FSTL5: variants seen among roughly 807,000 people sequenced by gnomAD.
FSTL5 encodes the protein follistatin like 5, also known as follistatin-related protein 5.
Under a neutral mutation model 89.1 loss-of-function variants are expected in FSTL5, and 62 were observed. That is an observed-to-expected ratio of 0.70 (90% confidence interval 0.57 to 0.86). FSTL5 has a LOEUF of 0.86. FSTL5 is among the 40% of genes least tolerant of loss of function. The probability of loss-of-function intolerance (pLI) is 0.00; values close to 1 mark genes in which losing one functional copy is unlikely to be tolerated. For synonymous variants in FSTL5, 383 were observed against 346.2 expected, an observed-to-expected ratio of 1.11 and a Z score of -1.18; for missense variants, 1,057 against 1,001.6, an observed-to-expected ratio of 1.06 and a Z score of -0.75.
In FSTL5 at chr4:161,784,907, C is replaced by CAAA. The variant is rs1202708192; in HGVS notation, c.410-8836_410-8834dup. Among the ~76,000 whole-genome samples, 4 of 125,398 alleles carry CAAA rather than the reference C, an allele frequency of 3.2e-5. 1 individual carries two copies. Among genetic ancestry groups the CAAA allele is most frequent in the South Asian group, 2.5e-4 (1 of 3,988 alleles). 82.3% of individuals were successfully genotyped at this position (125,398 alleles called of 152,430 possible). A position where few individuals can be genotyped will look rare whatever the true frequency, so the allele number is the denominator to read the frequency against. Reference sequence around the variant, plus strand: ...GACTCCGTCTCAAAAAAAACAAAAACAAACAAACAAAAAAAAGAAGATATG... The same window carrying CAAA: ...GACTCCGTCTCAAAAAAAACAAAAACAAAAAACAAACAAAAAAAAGAAGATATG... On this transcript the variant is annotated intron_variant, in intron 4 of 15. Transcript: ENST00000306100.
At chr4:161,563,446 T>C (rs1001233879) in intron 8 of FSTL5, among the ~76,000 whole-genome samples, 4 of 152,140 alleles carry the variant, frequency 2.6e-5, no homozygotes, top group African/African-American at 4.8e-5. Context: ...CTCCACATTC[T>C]GACCATCCGT....
chr4:161,969,453 T>C (rs566537347), intron 3 of FSTL5, among the ~76,000 whole-genome samples: 1 of 152,172 alleles, frequency 6.6e-6, no homozygotes, highest in Non-Finnish European at 1.5e-5. Context: ...CAAAAATAAA[T>C]AGCAGAATTT....
rs190609143 is a variant in FSTL5 at position 162,109,690 on chromosome 4, T to C, written c.126+1581A>G. Among the ~76,000 whole-genome samples, 320 of 152,140 alleles carry C rather than the reference T, an allele frequency of 2.1e-3. 3 individuals carry two copies. The highest frequency in any genetic ancestry group is 7.4e-3 in the African/African-American group (308 of 41,554). On this transcript the variant is annotated intron_variant, in intron 2 of 15. Transcript: ENST00000306100. The stretch of plus-strand genomic sequence containing the variant: ...TATACTAACACATTAAAACCGGTGG[T>C]ATGATATTTAGCAAGGGAACAATCA...
At chr4:162,016,730 T>C (rs1274341119) in intron 3 of FSTL5, among the ~76,000 whole-genome samples, 1 of 152,234 alleles carries the variant, frequency 6.6e-6, no homozygotes, top group African/African-American at 2.4e-5. Context: ...ATCTTTATAA[T>C]GTTATACTAC....
At chr4:161,392,274 C>A (rs892487924) in intron 15 of FSTL5, among the ~76,000 whole-genome samples, 3 of 151,682 alleles carry the variant, frequency 2.0e-5, no homozygotes, top group African/African-American at 7.3e-5. Context: ...GTTGCCCAAG[C>A]TGGAGTTCAG....
chr4:161,744,747 T>C (rs1032584069), intron 6 of FSTL5, among the ~76,000 whole-genome samples: 1 of 152,146 alleles, frequency 6.6e-6, no homozygotes, highest in Non-Finnish European at 1.5e-5. Flanking sequence ...GAAACCTTTT[T>C]TTTTCGGTTC....
Position 161,488,014 on chromosome 4 carries a change from G to A in FSTL5, c.1459-6845C>T, listed in dbSNP as rs546727106. On this transcript the variant is annotated intron_variant, in intron 12 of 15. Transcript: ENST00000306100. Reference sequence around the variant, plus strand: ...TATTTGTGAATATGCTAGATATAAAGTTCCCTTCAATATTGCTTTGCAATA... The same window carrying A: ...TATTTGTGAATATGCTAGATATAAAATTCCCTTCAATATTGCTTTGCAATA... Among the ~76,000 whole-genome samples the A allele has an allele frequency of 5.7e-4, 87 of 151,908 alleles. 1 individual carries two copies. Among genetic ancestry groups the A allele is most frequent in the South Asian group, 2.7e-3 (13 of 4,812 alleles).
chr4:161,493,316 A>G (rs927791313), intron 12 of FSTL5, among the ~76,000 whole-genome samples: 2 of 151,842 alleles, frequency 1.3e-5, no homozygotes, highest in Non-Finnish European at 1.5e-5. Flanking sequence ...ATAATATTTA[A>G]TATTGATAAT....
chr4:162,014,847 T>A (rs1736869978), intron 3 of FSTL5, among the ~76,000 whole-genome samples: 1 of 152,224 alleles, frequency 6.6e-6, no homozygotes, highest in East Asian at 1.9e-4. Flanking sequence ...ATAAACACGT[T>A]AGTAATGGCT....
intron 3 of FSTL5, among the ~76,000 whole-genome samples, chr4:162,025,969 A>T (rs1465151369): frequency 6.6e-6 from 1 of 151,874 alleles, no homozygotes; most frequent in East Asian, 1.9e-4. Context: ...TTAGGTAAGA[A>T]GGATATTCTA....
intron 13 of FSTL5, among the ~76,000 whole-genome samples, chr4:161,469,496 G>T (rs927138246): frequency 2.6e-5 from 4 of 151,936 alleles, no homozygotes; most frequent in African/African-American, 9.7e-5. Context: ...CATCCTAATG[G>T]GTATGAGGTG....
At chr4:162,158,030 T>A (rs904859793) in intron 1 of FSTL5, among the ~76,000 whole-genome samples, 6 of 152,144 alleles carry the variant, frequency 3.9e-5, no homozygotes, top group Non-Finnish European at 8.8e-5. Flanking sequence ...TCAAAGCTAA[T>A]CATTTGTTTT....
intron 13 of FSTL5, among the ~76,000 whole-genome samples, chr4:161,474,599 G>A (rs143261306): frequency 1.7e-4 from 26 of 149,318 alleles, no homozygotes; most frequent in African/African-American, 5.9e-4. Context: ...AGGCTGGAGT[G>A]CAGTGGCAGG....
At chr4:161,847,587 CCA>C (rs1381488882) in intron 4 of FSTL5, among the ~76,000 whole-genome samples, 1 of 152,088 alleles carries the variant, frequency 6.6e-6, no homozygotes, top group African/African-American at 2.4e-5. Flanking sequence ...GGGCAAGTTT[CCA>C]GTTTTTTGTT....
intron 2 of FSTL5, among the ~76,000 whole-genome samples, chr4:162,051,600 C>A (rs1458591376): frequency 6.6e-6 from 1 of 151,356 alleles, no homozygotes; most frequent in African/African-American, 2.4e-5. Context: ...ATAAAGACAG[C>A]TTCATAAAAA....
At chr4:162,071,838 T>A (rs958520108) in intron 2 of FSTL5, among the ~76,000 whole-genome samples, 16 of 151,662 alleles carry the variant, frequency 1.1e-4, no homozygotes, top group African/African-American at 3.9e-4. Context: ...TAATAAAAAA[T>A]CTGAAAACTG....
chr4:162,062,514 T>C (rs1738753422), intron 2 of FSTL5, among the ~76,000 whole-genome samples: 1 of 151,864 alleles, frequency 6.6e-6, no homozygotes. Flanking sequence ...TTACTTATCT[T>C]CCCTCTTACA....
intron 3 of FSTL5, among the ~76,000 whole-genome samples, chr4:161,970,643 C>A (rs540139318): frequency 1.3e-5 from 2 of 152,098 alleles, no homozygotes; most frequent in African/African-American, 4.8e-5. Context: ...CAGAGATTTT[C>A]CATTCTGCAC....
intron 6 of FSTL5, among the ~76,000 whole-genome samples, chr4:161,693,517 A>C (rs2126721943): frequency 6.6e-6 from 1 of 151,972 alleles, no homozygotes; most frequent in African/African-American, 2.4e-5. Context: ...CAGATCTATT[A>C]GAATTTTGTT....
Sources: allele counts gnomAD v4.1 joint callset (sites outside exome capture counted in the v4.1 genomes callset), GRCh38; gene constraint gnomAD v4.1.1; transcripts MANE v1.5; gene names NCBI Gene and HGNC (gene_info 2026-07-23, HGNC 2026-07-21).